NKIRAS1: variants seen among roughly 807,000 people sequenced by gnomAD.
The protein encoded by NKIRAS1 is NF-kappa-B inhibitor-interacting Ras-like protein 1.
A neutral mutation model predicts 19.8 loss-of-function variants in NKIRAS1; 16 were observed. The observed-to-expected ratio is 0.81, with a 90% CI of 0.55 to 1.23. The LOEUF (loss-of-function observed/expected upper bound fraction) is 1.23. NKIRAS1 is among the 50% of genes most tolerant of loss of function. NKIRAS1 has a pLI of 0.00. For missense variants in NKIRAS1, 184 were observed against 220.0 expected (o/e 0.84, Z 1.04); for synonymous variants, 88 against 79.0 (o/e 1.11, Z -0.61).
intron 4 of NKIRAS1, among the ~76,000 whole-genome samples, chr3:23,894,273 A>T (rs968988206): frequency 3.9e-5 from 6 of 152,218 alleles, no homozygotes; most frequent in African/African-American, 1.4e-4. Flanking sequence ...ATGTGACAGT[A>T]GACAATGGGC....
chr3:23,893,925 TCAATGAGTCTG>T lies in NKIRAS1; in HGVS notation c.337-599_337-589del, dbSNP rs34159916. On this transcript the variant is annotated intron_variant, in intron 4 of 4. Transcript: ENST00000425478. ...TTGGCATCTAGGATACAGACTGGTT[TCAATGAGTCTG>T]CATTTCAGTTTGGCTACACTTGATG... Among the ~76,000 whole-genome samples, 1,248 of 151,964 alleles carry T rather than the reference TCAATGAGTCTG, an allele frequency of 8.2e-3. 16 individuals carry two copies. The highest frequency in any genetic ancestry group is 0.028 in the African/African-American group (1,167 of 41,432).
chr3:23,900,171 A>G (rs1702370716), intron 4 of NKIRAS1, among the ~76,000 whole-genome samples: 1 of 151,924 alleles, frequency 6.6e-6, no homozygotes. Context: ...CAAAAAAAAC[A>G]AAAACAAAAA....
chr3:23,907,383 T>C (rs953486834), intron 3 of NKIRAS1, among the ~76,000 whole-genome samples: 1 of 152,018 alleles, frequency 6.6e-6, no homozygotes, highest in African/African-American at 2.4e-5. Flanking sequence ...TGTCAACTGA[T>C]GGGGGGGCGG....
chr3:23,937,979 C>T (rs1355693972), intron 1 of NKIRAS1, among the ~76,000 whole-genome samples: 1 of 152,054 alleles, frequency 6.6e-6, no homozygotes, highest in Admixed American at 6.6e-5. Flanking sequence ...TCAGAATAGG[C>T]AAGAAACTGG....
intron 1 of NKIRAS1, among the ~76,000 whole-genome samples, chr3:23,925,103 T>C (rs1575127234): frequency 6.6e-6 from 1 of 152,142 alleles, no homozygotes; most frequent in Admixed American, 6.5e-5. Context: ...GGTGGGGAAG[T>C]GATATCTTCC....
chr3:23,921,581 T>G (rs558012009), upstream of NKIRAS1: 39 of 675,346 alleles, frequency 5.8e-5, no homozygotes, highest in Admixed American at 2.9e-4. Context: ...TTTTTTTTTT[T>G]TTTTTTTTTT....
chr3:23,932,706 A>AG (rs1204670416), intron 1 of NKIRAS1, among the ~76,000 whole-genome samples: 3,962 of 147,828 alleles, frequency 0.027, 174 homozygotes, highest in African/African-American at 0.07. Flanking sequence ...AAAAAAAAAA[A>AG]AAGTAACTTC....
chr3:23,946,209 C>T (rs1373159714), intron 1 of NKIRAS1: 4 of 985,310 alleles, frequency 4.1e-6, no homozygotes, highest in Non-Finnish European at 4.8e-6. Context: ...CCGAAGCGGG[C>T]GCTGACACCG....
At chr3:23,945,628 C>G in intron 1 of NKIRAS1, 1 of 1,037,008 alleles carries the variant, frequency 9.6e-7, no homozygotes, top group Non-Finnish European at 1.2e-6. Context: ...GGGGGATGGC[C>G]GGAGGGAGCG....
chr3:23,945,992 C>T, intron 1 of NKIRAS1: 1 of 577,246 alleles, frequency 1.7e-6, no homozygotes, highest in Non-Finnish European at 2.2e-6. Context: ...GCTCCCTGAC[C>T]CACATTCCCC....
chr3:23,918,242 G>C, upstream of NKIRAS1: 1 of 911,420 alleles, frequency 1.1e-6, no homozygotes, highest in Non-Finnish European at 1.6e-6. Context: ...TCAGACTAAA[G>C]CAAAATAAAC....
upstream of NKIRAS1, chr3:23,918,626 GGA>G (rs763159262): frequency 7.0e-6 from 11 of 1,581,886 alleles, no homozygotes; most frequent in Admixed American, 3.7e-5. Flanking sequence ...GGGGATGGTG[GGA>G]GAGAGAGATT....
intron 3 of NKIRAS1, among the ~76,000 whole-genome samples, chr3:23,903,097 C>A (rs1414985499): frequency 3.3e-5 from 5 of 152,142 alleles, no homozygotes; most frequent in Admixed American, 3.3e-4. Context: ...CTTAGAGCTT[C>A]CAATTGGCTT....
At chr3:23,940,346 T>TAA (rs35882098) in intron 1 of NKIRAS1, among the ~76,000 whole-genome samples, 27,268 of 149,980 alleles carry the variant, frequency 0.18, 2,522 homozygotes, top group Non-Finnish European at 0.21. Flanking sequence ...GACCTGTTTC[T>TAA]AAAAAAAAAT....
At chr3:23,924,874 C>T (rs775685134) in intron 1 of NKIRAS1, among the ~76,000 whole-genome samples, 1 of 152,198 alleles carries the variant, frequency 6.6e-6, no homozygotes, top group East Asian at 1.9e-4. Flanking sequence ...ACAGTAATAG[C>T]CTCCAAATTT....
At chr3:23,908,842 C>CT (rs1225600031) in intron 3 of NKIRAS1, among the ~76,000 whole-genome samples, 1 of 142,866 alleles carries the variant, frequency 7.0e-6, no homozygotes, top group East Asian at 2.0e-4. Flanking sequence ...TAATTTCTTT[C>CT]TTTCTTTTTT....
chr3:23,908,271 T>C (rs1430326517), intron 3 of NKIRAS1, among the ~76,000 whole-genome samples: 2 of 152,120 alleles, frequency 1.3e-5, no homozygotes. Flanking sequence ...TTTAGCAGAG[T>C]AAAAAAGTTC....
chr3:23,946,380 G>A, exon 1 of NKIRAS1: 5 of 847,334 alleles, frequency 5.9e-6, no homozygotes, highest in Non-Finnish European at 7.1e-6. Flanking sequence ...CGGAGGAGGC[G>A]CCTCGGGGAA....
At chr3:23,945,573 G>T in intron 1 of NKIRAS1, 1 of 1,172,492 alleles carries the variant, frequency 8.5e-7, no homozygotes. Context: ...CCTCCGCGAG[G>T]GCACCATGGA....
Sources: allele counts gnomAD v4.1 joint callset (sites outside exome capture counted in the v4.1 genomes callset), GRCh38; gene constraint gnomAD v4.1.1; transcripts MANE v1.5; gene names NCBI Gene and HGNC (gene_info 2026-07-23, HGNC 2026-07-21).